The following MAP2K3 variants were observed in gnomAD, a reference collection of about 807,000 sequenced individuals.
MAP2K3 encodes dual specificity mitogen-activated protein kinase kinase 3.
A neutral mutation model predicts 46.4 loss-of-function variants in MAP2K3; 30 were observed. The ratio of observed to expected loss-of-function variants is 0.65; its 90% CI spans 0.48 to 0.88. The LOEUF (loss-of-function observed/expected upper bound fraction) is 0.88, where lower values mean the gene tolerates loss of function less well. Among genes scored for constraint, MAP2K3 ranks in the 40% least tolerant of loss-of-function variants. The pLI, the probability that MAP2K3 is intolerant of heterozygous loss-of-function variation, is 0.00. For missense variants in MAP2K3, 380 were observed against 464.5 expected (o/e 0.82, Z 1.67); for synonymous variants, 189 against 176.3 (o/e 1.07, Z -0.57).
intron 9 of MAP2K3, among the ~76,000 whole-genome samples, chr17:21,307,827 G>T (rs1976968230): frequency 1.4e-5 from 2 of 141,804 alleles, no homozygotes; most frequent in Non-Finnish European, 1.5e-5. Flanking sequence ...ACAGGCTCGT[G>T]CCACCATGCC....
intron 1 of MAP2K3, among the ~76,000 whole-genome samples, chr17:21,297,334 G>T (rs1402879110): frequency 1.3e-5 from 2 of 152,312 alleles, no homozygotes; most frequent in African/African-American, 2.4e-5. Context: ...AGCAGCCAGG[G>T]TGAGCCAGCA....
At chr17:21,296,294 T>C in intron 1 of MAP2K3, 1 of 911,644 alleles carries the variant, frequency 1.1e-6, no homozygotes, top group Non-Finnish European at 1.5e-6. Flanking sequence ...GTCGCAGAGC[T>C]GGAGTTTACC....
chr17:21,305,428 C>T (rs1294065644), intron 9 of MAP2K3, among the ~76,000 whole-genome samples: 2 of 152,252 alleles, frequency 1.3e-5, no homozygotes, highest in Non-Finnish European at 2.9e-5. Context: ...TACGTAAGTT[C>T]CTGGTATGTA....
At chr17:21,301,574 A>G (rs888498492) in intron 5 of MAP2K3, among the ~76,000 whole-genome samples, 12 of 152,306 alleles carry the variant, frequency 7.9e-5, no homozygotes, top group African/African-American at 2.9e-4. Context: ...CCATCGGGCA[A>G]GGTCAGGGCT....
At chr17:21,291,980 G>A (rs1336027932) in intron 1 of MAP2K3, among the ~76,000 whole-genome samples, 1 of 152,312 alleles carries the variant, frequency 6.6e-6, no homozygotes, top group Non-Finnish European at 1.5e-5. Context: ...CCCCCAGGCT[G>A]GCACGGGCCG....
chr17:21,288,211 G>C (rs1442016845), intron 1 of MAP2K3: 1 of 731,448 alleles, frequency 1.4e-6, no homozygotes, highest in Non-Finnish European at 2.0e-6. Flanking sequence ...TGTCCTGCAG[G>C]TGGCACCTAG....
rs1239148560 is a variant in MAP2K3, at chr17:21,285,317, C to A, written c.49+348C>A. 6 of 984,416 alleles carry A rather than the reference C, an allele frequency of 6.1e-6. No homozygotes were observed. The African/African-American group carries it at 1.0e-4, about 17-fold the overall frequency. 61.0% of individuals were successfully genotyped at this position (984,416 alleles called of 1,614,324 possible). On this transcript the variant is annotated intron_variant, in intron 1 of 11. Coordinates refer to ENST00000342679, the MANE Select transcript of MAP2K3 (RefSeq NM_145109.3). The stretch of plus-strand genomic sequence containing the variant: ...GAACTCTCCCAGTCTTCTCCCTCAG[C>A]GGGACCCAGGTGAGATTCACACTGG...
At chr17:21,299,003 T>TC (rs112479224) in intron 3 of MAP2K3, 77 bp downstream of exon 3, 696 of 1,598,302 alleles carry the variant, frequency 4.4e-4, no homozygotes, top group Middle Eastern at 6.6e-4. Flanking sequence ...GCAGGGCCAC[T>TC]TTGGGGGGAG....
Position 21,300,613 on chromosome 17 carries a change from A to G in MAP2K3, c.234A>G (p.Val78=), listed in dbSNP as rs1366977142. The part of the protein sequence containing the change: ...SELGRGAYGV[V]EKVRHAQSGT... ...TGGGCCGTGGAGCCTATGGGGTGGT[A>G]GAGAAGGTGCGGCACGCCCAGAGCG... Residue 78 remains valine (V), a synonymous_variant, in exon 4 of 12, where the codon GTA becomes GTG. Coordinates refer to ENST00000342679, the MANE Select transcript of MAP2K3 (RefSeq NM_145109.3). 1.9e-6 allele frequency: 3 copies of G among 1,612,982 alleles called. No individual in the cohort carries two copies. Among genetic ancestry groups the G allele is most frequent in the Non-Finnish European group, 2.5e-6 (3 of 1,179,596 alleles).
At chr17:21,305,012 C>G (rs532675736) in intron 8 of MAP2K3, 39 bp from the exon 9 acceptor site, 1 of 1,613,838 alleles carries the variant, frequency 6.2e-7, no homozygotes, top group Non-Finnish European at 8.5e-7. Context: ...GGGGGCTTAC[C>G]TGGGGCGGGT....
At chr17:21,291,610 G>A (rs1975943982) in intron 1 of MAP2K3, 1 of 456,310 alleles carries the variant, frequency 2.2e-6, no homozygotes, top group African/African-American at 2.0e-5. Flanking sequence ...CCCCTGCCCT[G>A]TCATGGCCTC....
rs762138419 is a variant in MAP2K3 at position 21,298,923 on chromosome 17, CA to C, written c.163del (p.Arg55GlufsTer11). On this transcript the variant is annotated frameshift_variant and splice_region_variant, in exon 3 of 12. Transcript: ENST00000342679. LOFTEE classifies it high-confidence loss of function. ...DSRTFITIGD[R>X]NFEVEADDLV... is the part of the protein sequence containing the mutation. ...CCCGGACCTTCATCACCATTGGAGA[CA>C]GAGTAGGTGCCAGCCGCCACCCCTG... 99 of 1,613,940 alleles carry C rather than the reference CA, an allele frequency of 6.1e-5. No homozygotes were observed. The highest frequency in any genetic ancestry group is 7.8e-5 in the Non-Finnish European group (92 of 1,179,904).
rs373416844 is a variant in MAP2K3 at position 21,298,939 on chromosome 17, C to A, written c.165+13C>A. Reference sequence around the variant, plus strand: ...CATTGGAGACAGAGTAGGTGCCAGCCGCCACCCCTGCAGGGCCTCTCACTT... The same window carrying A: ...CATTGGAGACAGAGTAGGTGCCAGCAGCCACCCCTGCAGGGCCTCTCACTT... On this transcript the variant is annotated intron_variant, in intron 3 of 11. Transcript: ENST00000342679. 1 of 1,614,124 alleles carries A rather than the reference C, an allele frequency of 6.2e-7. No individual in the cohort carries two copies. Among genetic ancestry groups the A allele is most frequent in the Non-Finnish European group, 8.5e-7 (1 of 1,179,944 alleles).
At chr17:21,307,194 G>T (rs1293828160) in intron 9 of MAP2K3, among the ~76,000 whole-genome samples, 1 of 152,302 alleles carries the variant, frequency 6.6e-6, no homozygotes, top group Non-Finnish European at 1.5e-5. Flanking sequence ...CTGGGGAGCA[G>T]CCCCATCTGA....
intron 1 of MAP2K3, among the ~76,000 whole-genome samples, chr17:21,295,223 G>A (rs915156864): frequency 1.3e-5 from 2 of 152,428 alleles, no homozygotes; most frequent in Middle Eastern, 3.4e-3. Flanking sequence ...AGTTGGGGGT[G>A]AGTGGGAGGA....
At chr17:21,308,608 ATT>A (rs59529987) in intron 9 of MAP2K3, among the ~76,000 whole-genome samples, 1 of 17,054 alleles carries the variant, frequency 5.9e-5, no homozygotes, top group Non-Finnish European at 1.8e-4. Context: ...TTCAATTAAA[ATT>A]TTTTTTTTTT....
At position 21,303,242 on chromosome 17, in the gene MAP2K3, C is replaced by A. The variant is rs1254377438; in HGVS notation, c.568+8C>A. 3.1e-6 allele frequency: 5 copies of A among 1,613,950 alleles called. No individual in the cohort carries two copies. Among genetic ancestry groups the A allele is most frequent in the Non-Finnish European group, 4.2e-6 (5 of 1,180,010 alleles). ...TGTCGGTGATCCACAGAGGTCAGTG[C>A]CCGGCAGCCACCCAGGCACGGTGTA... On this transcript the variant is annotated splice_region_variant and intron_variant, in intron 7 of 11. Coordinates refer to ENST00000342679, the MANE Select transcript of MAP2K3 (RefSeq NM_145109.3).
intron 1 of MAP2K3, chr17:21,296,293 C>A: frequency 3.3e-6 from 3 of 908,502 alleles, no homozygotes; most frequent in African/African-American, 1.7e-5. Flanking sequence ...GGTCGCAGAG[C>A]TGGAGTTTAC....
chr17:21,292,160 T>A (rs12602785), intron 1 of MAP2K3, among the ~76,000 whole-genome samples: 4 of 152,316 alleles, frequency 2.6e-5, no homozygotes, highest in African/African-American at 9.6e-5. Context: ...CTGAGCAGCC[T>A]GCTGCGGGGG....
Sources: allele counts gnomAD v4.1 joint callset (sites outside exome capture counted in the v4.1 genomes callset), GRCh38; gene constraint gnomAD v4.1.1; transcripts MANE v1.5; gene names NCBI Gene and HGNC (gene_info 2026-07-23, HGNC 2026-07-21).